The following FNDC3B variants were observed in gnomAD, a reference collection of about 807,000 sequenced individuals.
The protein encoded by FNDC3B is fibronectin type III domain-containing protein 3B.
FNDC3B carries 12 observed loss-of-function variants against 151.5 expected under a neutral mutation model. That is an observed-to-expected ratio of 0.08 (90% confidence interval 0.05 to 0.13). The LOEUF (loss-of-function observed/expected upper bound fraction) is 0.13, where lower values mean the gene tolerates loss of function less well. Among genes scored for constraint, FNDC3B ranks in the 10% least tolerant of loss-of-function variants. The pLI is 1.00. For missense variants in FNDC3B, 1,214 were observed against 1,505.3 expected, an observed-to-expected ratio of 0.81 and a Z score of 3.20; for synonymous variants, 528 against 549.0, an observed-to-expected ratio of 0.96 and a Z score of 0.54.
intron 6 of FNDC3B, among the ~76,000 whole-genome samples, chr3:172,253,071 G>A (rs1041260436): frequency 5.9e-5 from 9 of 152,142 alleles, no homozygotes; most frequent in Admixed American, 1.3e-4. Flanking sequence ...GAAGAAAAAC[G>A]AGAGAGAATG....
At chr3:172,333,022 G>A (rs1231078302) in intron 13 of FNDC3B, 67 bp from the exon 14 acceptor site, 1 of 953,050 alleles carries the variant, frequency 1.0e-6, no homozygotes, top group African/African-American at 1.6e-5. Flanking sequence ...TAAAAATCCT[G>A]TATTCAAAGG....
intron 16 of FNDC3B, among the ~76,000 whole-genome samples, chr3:172,338,745 T>A (rs1478063556): frequency 6.6e-6 from 1 of 152,172 alleles, no homozygotes; most frequent in African/African-American, 2.4e-5. Flanking sequence ...TGTTTTGTTT[T>A]GTTTTTTGAG....
intron 6 of FNDC3B, among the ~76,000 whole-genome samples, chr3:172,266,025 T>C (rs1366434781): frequency 6.6e-6 from 1 of 152,232 alleles, no homozygotes; most frequent in African/African-American, 2.4e-5. Context: ...TCTCAATCTT[T>C]TTTATCCCTC....
At chr3:172,064,148 G>A (rs925787885) in intron 1 of FNDC3B, among the ~76,000 whole-genome samples, 1 of 152,038 alleles carries the variant, frequency 6.6e-6, no homozygotes, top group African/African-American at 2.4e-5. Flanking sequence ...TCTTAAAATA[G>A]ATAGATAGAT....
Position 172,307,423 on chromosome 3 carries a change from C to A in FNDC3B, c.1122C>A (p.Thr374=). ...GSCSEPVSFT[T]HSCAPECPFP... is the part of the protein sequence containing the mutation. ...GCTCCGAGCCTGTTAGCTTCACCAC[C>A]CACAGCTGTGCACCCGAGTGTCCTT... is the stretch of plus-strand genomic sequence containing the variant. The change falls in exon 10 of 26, where the codon ACC becomes ACA. Residue 374 remains threonine, a synonymous_variant. Coordinates refer to ENST00000415807, the MANE Select transcript of FNDC3B (RefSeq NM_022763.4). 2 of 1,614,088 alleles carry A rather than the reference C, an allele frequency of 1.2e-6. No homozygotes were observed. Among genetic ancestry groups the A allele is most frequent in the Non-Finnish European group, 1.7e-6 (2 of 1,179,952 alleles).
At chr3:172,371,002 G>A (rs573047847) in intron 23 of FNDC3B, among the ~76,000 whole-genome samples, 2 of 152,242 alleles carry the variant, frequency 1.3e-5, no homozygotes, top group South Asian at 4.1e-4. Flanking sequence ...TCTTGGTGTT[G>A]TTCACTGTAT....
At chr3:172,168,719 C>CT (rs775314296) in intron 3 of FNDC3B, among the ~76,000 whole-genome samples, 2,285 of 133,144 alleles carry the variant, frequency 0.017, 84 homozygotes, top group African/African-American at 0.056. Flanking sequence ...TTTTCTTTTA[C>CT]TTTTTTTTTT....
At chr3:172,115,232 G>A (rs1004302125) in intron 2 of FNDC3B, among the ~76,000 whole-genome samples, 2 of 152,206 alleles carry the variant, frequency 1.3e-5, no homozygotes, top group Non-Finnish European at 2.9e-5. Flanking sequence ...TGGCCTAGGT[G>A]TGCGTGGTAG....
At chr3:172,303,007 T>G (rs961208805) in intron 9 of FNDC3B, 5 of 107,798 alleles carry the variant, frequency 4.6e-5, no homozygotes, top group South Asian at 3.5e-4. Context: ...CATTATATTT[T>G]AAATACTTAT....
rs373648973 is a variant in FNDC3B at position 172,156,403 on chromosome 3, C to T, written c.187+22857C>T. Among the ~76,000 whole-genome samples the T allele has an allele frequency of 6.1e-4, 93 of 152,322 alleles. 1 individual carries two copies. Among genetic ancestry groups the T allele is most frequent in the Middle Eastern group, 6.8e-3 (2 of 294 alleles). On this transcript the variant is annotated intron_variant, in intron 3 of 25. Coordinates refer to ENST00000415807, the MANE Select transcript of FNDC3B (RefSeq NM_022763.4). ...GCCATCGGCTCCAAGTGGCCATTCC[C>T]TCTGGTCTTGGATGGAGGCAAGAGG...
chr3:172,143,071 G>T (rs939121022), intron 3 of FNDC3B, among the ~76,000 whole-genome samples: 3 of 152,068 alleles, frequency 2.0e-5, no homozygotes, highest in African/African-American at 7.2e-5. Context: ...CACCTTTGGG[G>T]TTAGAATTTC....
At chr3:172,071,035 A>G (rs1290176454) in intron 1 of FNDC3B, among the ~76,000 whole-genome samples, 1 of 152,172 alleles carries the variant, frequency 6.6e-6, no homozygotes, top group Non-Finnish European at 1.5e-5. Flanking sequence ...TGGCTGACAA[A>G]ATTTTTTTTC....
At chr3:172,244,472 T>G (rs1165346670) in intron 4 of FNDC3B, among the ~76,000 whole-genome samples, 1 of 152,120 alleles carries the variant, frequency 6.6e-6, no homozygotes, top group African/African-American at 2.4e-5. Flanking sequence ...TTTCTTATTT[T>G]GGGGGAGACT....
At chr3:172,285,180 G>C (rs540102041) in intron 6 of FNDC3B, among the ~76,000 whole-genome samples, 1 of 152,066 alleles carries the variant, frequency 6.6e-6, no homozygotes, top group Admixed American at 6.6e-5. Flanking sequence ...GGTGTGTCAC[G>C]TTTCCTCACC....
At chr3:172,113,142 T>A (rs1158774112) in intron 2 of FNDC3B, among the ~76,000 whole-genome samples, 1 of 152,188 alleles carries the variant, frequency 6.6e-6, no homozygotes, top group Admixed American at 6.5e-5. Context: ...GGGGAAACAA[T>A]TTAGACAGTA....
chr3:172,398,489 A>G lies in FNDC3B; in HGVS notation c.*1014A>G, dbSNP rs1371030520. ...GTATCAATGAAGTGATTGAATTTCA[A>G]TACCTTAATTCAGTGCACATAATAC... is the stretch of plus-strand genomic sequence containing the variant. On this transcript the variant is annotated 3_prime_UTR_variant, in exon 26 of 26. Coordinates refer to ENST00000415807, the MANE Select transcript of FNDC3B (RefSeq NM_022763.4). 6.6e-6 allele frequency: 1 copy of G among 152,286 alleles called. No individual in the cohort carries two copies. The highest frequency in any genetic ancestry group is 2.4e-5 in the African/African-American group (1 of 41,448). The allele number at this position is 152,286 out of a possible 1,614,324, so 9.4% of individuals were successfully genotyped here. A position where few individuals can be genotyped will look rare whatever the true frequency, so the allele number is the denominator to read the frequency against.
intron 25 of FNDC3B, among the ~76,000 whole-genome samples, chr3:172,387,477 A>C (rs998374266): frequency 6.6e-6 from 1 of 152,216 alleles, no homozygotes; most frequent in Non-Finnish European, 1.5e-5. Flanking sequence ...ACTGTCTCAT[A>C]GGACAGTTTT....
intron 23 of FNDC3B, among the ~76,000 whole-genome samples, chr3:172,373,561 G>A (rs1734984432): frequency 6.6e-6 from 1 of 152,194 alleles, no homozygotes; most frequent in African/African-American, 2.4e-5. Context: ...GGTATATTTA[G>A]TTCCATCACA....
intron 1 of FNDC3B, among the ~76,000 whole-genome samples, chr3:172,094,642 T>C (rs1483092594): frequency 6.6e-6 from 1 of 152,124 alleles, no homozygotes; most frequent in African/African-American, 2.4e-5. Context: ...GGAATCTGCG[T>C]TTTTAAACAA....
Sources: allele counts gnomAD v4.1 joint callset (sites outside exome capture counted in the v4.1 genomes callset), GRCh38; gene constraint gnomAD v4.1.1; transcripts MANE v1.5; gene names NCBI Gene and HGNC (gene_info 2026-07-23, HGNC 2026-07-21).